FAH: variants seen among roughly 807,000 people sequenced by gnomAD.
FAH encodes fumarylacetoacetase.
In FAH, 47 loss-of-function variants were observed where a neutral mutation model predicts 55.8. The observed-to-expected ratio is 0.84, with a 90% CI of 0.67 to 1.07. The LOEUF (loss-of-function observed/expected upper bound fraction) is 1.07. Ranked by LOEUF, FAH falls within the 50% of genes least tolerant of loss-of-function variation. FAH has a pLI of 0.00. For missense variants in FAH, 495 were observed against 545.9 expected, an observed-to-expected ratio of 0.91 and a Z score of 0.93; for synonymous variants, 199 against 207.7, an observed-to-expected ratio of 0.96 and a Z score of 0.36.
chr15:80,160,578 G>A lies in FAH; in HGVS notation c.364+119G>A, dbSNP rs573641633. On this transcript the variant is annotated intron_variant, in intron 4 of 13. Transcript: ENST00000561421. Reference sequence around the variant, plus strand: ...TCCCTGCTGGTGGGGGGAGATGGAGGAGGGGCTCTGGGGCTGTTACCCGCT... The same window carrying A: ...TCCCTGCTGGTGGGGGGAGATGGAGAAGGGGCTCTGGGGCTGTTACCCGCT... The A allele has an allele frequency of 1.2e-5, 12 of 960,246 alleles. No homozygotes were observed. The African/African-American group carries it at 1.6e-4, about 13-fold the overall frequency. The allele number at this position is 960,246 out of a possible 1,614,324, so 59.5% of individuals were successfully genotyped here. A position where few individuals can be genotyped will look rare whatever the true frequency, so the allele number is the denominator to read the frequency against.
intron 4 of FAH, among the ~76,000 whole-genome samples, chr15:80,161,959 C>G (rs1426836444): frequency 1.3e-5 from 2 of 152,134 alleles, no homozygotes; most frequent in East Asian, 1.9e-4. Flanking sequence ...AAGTGGGGAG[C>G]CTGAGAAGGG....
At chr15:80,153,285 C>T in intron 1 of FAH, 150 bp downstream of exon 1, 1 of 700,996 alleles carries the variant, frequency 1.4e-6, no homozygotes, top group South Asian at 1.6e-5. Context: ...GTGAGAGTGC[C>T]TATGGGCTCG....
At chr15:80,168,836 GAGA>G (rs919550247) in intron 7 of FAH, among the ~76,000 whole-genome samples, 2 of 152,212 alleles carry the variant, frequency 1.3e-5, no homozygotes, top group African/African-American at 2.4e-5. Flanking sequence ...GCCTTATGGA[GAGA>G]ATATGCGTGT....
At chr15:80,177,026 C>T (rs144978559) in intron 10 of FAH, among the ~76,000 whole-genome samples, 2 of 152,312 alleles carry the variant, frequency 1.3e-5, no homozygotes, top group African/African-American at 2.4e-5. Flanking sequence ...AGAAGTGGAA[C>T]GGCAACAGCC....
chr15:80,169,681 C>T (rs750483987), intron 7 of FAH, among the ~76,000 whole-genome samples: 16 of 151,932 alleles, frequency 1.1e-4, no homozygotes, highest in African/African-American at 2.2e-4. Context: ...CCACAGGCAC[C>T]TTCCACCATG....
chr15:80,153,181 T>TGGA (rs2041067755), intron 1 of FAH, 46 bp downstream of exon 1: 1 of 955,760 alleles, frequency 1.0e-6, no homozygotes, highest in African/African-American at 1.7e-5. Flanking sequence ...GGGAGTGGAG[T>TGGA]GGAGTGGAGT....
Position 80,173,134 on chromosome 15 carries a change from A to T in FAH, c.827A>T (p.Asn276Ile), listed in dbSNP as rs148153674. ...MDALMPFAVP[N>I]PKQDPRPLPY... ...GCTCTCATGCCCTTTGCTGTGCCCA[A>T]CCCGAAGCAGGTAAGCACATTCTCT... The change falls in exon 9 of 14, where the codon AAC becomes ATC. Residue 276 changes from asparagine (N) to isoleucine (I), a missense_variant. Asn to Ile is a moderately radical substitution (Grantham distance 149). Transcript: ENST00000561421. The T allele has an allele frequency of 2.5e-6, 4 of 1,614,126 alleles. No homozygotes were observed. In the South Asian group the frequency reaches 4.4e-5, roughly 18 times the overall value.
At chr15:80,168,824 G>A (rs2041217622) in intron 7 of FAH, among the ~76,000 whole-genome samples, 1 of 152,182 alleles carries the variant, frequency 6.6e-6, no homozygotes, top group Non-Finnish European at 1.5e-5. Context: ...AGACTGTGAC[G>A]TGCCTTATGG....
intron 12 of FAH, chr15:80,180,458 G>A: frequency 1.8e-6 from 1 of 549,530 alleles, no homozygotes; most frequent in Non-Finnish European, 3.3e-6. Flanking sequence ...GCCTCTGTAG[G>A]GGAGCAGCGC....
At chr15:80,157,541 C>A (rs528151706) in intron 1 of FAH, 1 of 189,570 alleles carries the variant, frequency 5.3e-6, no homozygotes, top group African/African-American at 2.3e-5. Flanking sequence ...CTTCCTGCAG[C>A]TCCCTTACAA....
intron 10 of FAH, 33 bp downstream of exon 10, chr15:80,175,124 C>A: frequency 6.3e-7 from 1 of 1,589,778 alleles, no homozygotes; most frequent in Non-Finnish European, 8.6e-7. Flanking sequence ...TGGCCAGGAG[C>A]TCTGAGGCAA....
intron 10 of FAH, 27 bp from the exon 11 acceptor site, chr15:80,177,505 GTTTTC>G: frequency 6.2e-7 from 1 of 1,602,802 alleles, no homozygotes; most frequent in South Asian, 1.1e-5. Flanking sequence ...ATGGAATTAA[GTTTTC>G]ATCAATATTG....
intron 13 of FAH, among the ~76,000 whole-genome samples, chr15:80,181,444 T>C (rs1370838787): frequency 1.3e-5 from 2 of 152,172 alleles, no homozygotes; most frequent in Admixed American, 6.5e-5. Context: ...GTCTAGACTT[T>C]GCAGCAAACG....
In FAH at chr15:80,160,089, G is replaced by A. The variant is rs1053491510; in HGVS notation, c.314+212G>A. ...TGGCGCCTGGAATGGAGCTGCCCAA[G>A]CTAGGCCAGGCCAGGCCCATTGGCC... is the stretch of plus-strand genomic sequence containing the variant. On this transcript the variant is annotated intron_variant, in intron 3 of 13. Transcript: ENST00000561421. The A allele has an allele frequency of 5.8e-6, 4 of 690,540 alleles. No individual in the cohort carries two copies. In the African/African-American group the frequency reaches 7.1e-5, roughly 12 times the overall value. The allele number at this position is 690,540 out of a possible 1,614,324, so 42.8% of individuals were successfully genotyped here.
chr15:80,153,701 C>T (rs2041074510), intron 1 of FAH, among the ~76,000 whole-genome samples: 1 of 152,236 alleles, frequency 6.6e-6, no homozygotes, highest in East Asian at 1.9e-4. Flanking sequence ...CTGGCATTCC[C>T]CTACTGATCA....
In FAH at chr15:80,166,641, T is replaced by C. The variant is rs556507906; in HGVS notation, c.456-1411T>C. Reference sequence around the variant, plus strand: ...ATACAGAGTTTTGCATTTTCTTTTTTTTTTTTTTTTTTTGAGACAGAGTCT... The same window carrying C: ...ATACAGAGTTTTGCATTTTCTTTTTCTTTTTTTTTTTTTGAGACAGAGTCT... On this transcript the variant is annotated intron_variant, in intron 5 of 13. Transcript: ENST00000561421. 2.4e-3 allele frequency among the ~76,000 whole-genome samples: 357 copies of C among 147,378 alleles called. 3 individuals carry two copies. Among genetic ancestry groups the C allele is most frequent in the African/African-American group, 8.3e-3 (332 of 40,006 alleles).
At chr15:80,173,552 G>C (rs767010304) in intron 9 of FAH, 1 of 351,662 alleles carries the variant, frequency 2.8e-6, no homozygotes, top group Non-Finnish European at 5.6e-6. Flanking sequence ...CCCAGCAACA[G>C]GGAGTCCCTG....
chr15:80,172,265 T>G lies in FAH; in HGVS notation c.706+17T>G. The stretch of plus-strand genomic sequence containing the variant: ...ACTGGAGTGGTAATTACTGGAGCTC[T>G]GCTCCTGTAGAGATGACGGGGAGGA... On this transcript the variant is annotated intron_variant, in intron 8 of 13. Coordinates refer to ENST00000561421, the MANE Select transcript of FAH (RefSeq NM_000137.4). The G allele has an allele frequency of 2.2e-5, 33 of 1,520,368 alleles. No individual in the cohort carries two copies. The highest frequency in any genetic ancestry group is 2.6e-5 in the Non-Finnish European group (28 of 1,094,378). The allele number at this position is 1,520,368 out of a possible 1,614,324, so 94.2% of individuals were successfully genotyped here. A position where few individuals can be genotyped will look rare whatever the true frequency, so the allele number is the denominator to read the frequency against.
chr15:80,168,337 A>T (rs1157025706), intron 7 of FAH, 21 bp downstream of exon 7: 3 of 1,608,036 alleles, frequency 1.9e-6, no homozygotes, highest in African/African-American at 2.7e-5. Context: ...TTGATGTTTT[A>T]TTGCCATGGG....
Sources: gnomAD v4.1 joint callset for allele counts (sites outside exome capture counted in the v4.1 genomes callset) on GRCh38, gnomAD v4.1.1 for gene constraint, MANE v1.5 for transcripts, NCBI Gene and HGNC (gene_info 2026-07-23, HGNC 2026-07-21) for gene names.